The following PCGF5 variants were observed in gnomAD, a reference collection of about 807,000 sequenced individuals.
The protein encoded by PCGF5 is polycomb group RING finger protein 5.
PCGF5 carries 9 observed loss-of-function variants against 44.3 expected under a neutral mutation model. That is an observed-to-expected ratio of 0.20 (90% confidence interval 0.12 to 0.35). The LOEUF (loss-of-function observed/expected upper bound fraction) is 0.35, where lower values mean the gene tolerates loss of function less well. PCGF5 is among the 10% of genes least tolerant of loss of function. The pLI, the probability that PCGF5 is intolerant of heterozygous loss-of-function variation, is 1.00. For missense variants in PCGF5, 146 were observed against 305.3 expected (o/e 0.48, Z 3.89); for synonymous variants, 95 against 102.5 (o/e 0.93, Z 0.44).
chr10:91,236,808 G>T (rs1049180365), intron 2 of PCGF5, among the ~76,000 whole-genome samples: 1 of 152,096 alleles, frequency 6.6e-6, no homozygotes, highest in African/African-American at 2.4e-5. Context: ...TTTATGTAAG[G>T]TTGTGCTTTA....
chr10:91,277,389 C>T (rs1846343570), intron 9 of PCGF5, among the ~76,000 whole-genome samples: 2 of 152,228 alleles, frequency 1.3e-5, no homozygotes. Flanking sequence ...ATAAAAGTAG[C>T]TCCTCAAATT....
At chr10:91,262,742 A>G (rs763079785) in intron 7 of PCGF5, among the ~76,000 whole-genome samples, 1 of 152,230 alleles carries the variant, frequency 6.6e-6, no homozygotes. Flanking sequence ...TTAGGAAAAA[A>G]TTATGGAAGT....
At chr10:91,251,550 T>A in intron 6 of PCGF5, 110 bp downstream of exon 6, 2 of 1,031,814 alleles carry the variant, frequency 1.9e-6, no homozygotes, top group Non-Finnish European at 2.9e-6. Context: ...AAGTTTTAAT[T>A]AACATAATTA....
intron 1 of PCGF5, among the ~76,000 whole-genome samples, chr10:91,221,149 G>A (rs1044630639): frequency 2.6e-5 from 4 of 152,238 alleles, no homozygotes; most frequent in African/African-American, 9.6e-5. Context: ...GGACCCCACA[G>A]GGCTGTACCG....
intron 6 of PCGF5, 48 bp from the exon 7 acceptor site, chr10:91,261,273 TAGAAC>T (rs1433148741): frequency 9.6e-5 from 135 of 1,407,810 alleles, no homozygotes; most frequent in Non-Finnish European, 4.6e-5. Flanking sequence ...AGAAGCAAGA[TAGAAC>T]ATTTTAACTG....
intron 1 of PCGF5, 63 bp from the exon 2 acceptor site, chr10:91,222,626 T>G (rs1334466352): frequency 9.7e-6 from 5 of 513,434 alleles, no homozygotes; most frequent in Non-Finnish European, 1.7e-5. Context: ...AGAATGACAT[T>G]AATACATTAT....
chr10:91,227,248 TC>T, intron 2 of PCGF5: 2 of 436,378 alleles, frequency 4.6e-6, no homozygotes, highest in Admixed American at 6.0e-5. Context: ...CTTTTTTTTT[TC>T]CTGTGTGAAC....
chr10:91,160,001 G>A (rs535706916), upstream of PCGF5, among the ~76,000 whole-genome samples: 23 of 152,048 alleles, frequency 1.5e-4, no homozygotes, highest in South Asian at 8.3e-4. Context: ...TATTTAATAC[G>A]CTCATGGTTA....
chr10:91,236,260 G>C (rs7099079), intron 2 of PCGF5, among the ~76,000 whole-genome samples: 19,726 of 152,136 alleles, frequency 0.13, 2,394 homozygotes, highest in African/African-American at 0.32. Context: ...GAGCAGCCTA[G>C]TCAGGCTCTC....
At chr10:91,219,398 A>G (rs548339641), upstream of PCGF5, among the ~76,000 whole-genome samples, 202 of 152,356 alleles carry the variant, frequency 1.3e-3, no homozygotes, top group African/African-American at 4.6e-3. Flanking sequence ...AGTCTTTTTT[A>G]TATATTGTGG....
intron 1 of PCGF5, among the ~76,000 whole-genome samples, chr10:91,182,653 C>G (rs1011638163): frequency 6.6e-6 from 1 of 152,128 alleles, no homozygotes; most frequent in African/African-American, 2.4e-5. Flanking sequence ...AACCTGAGAT[C>G]TTTCTAACTT....
intron 2 of PCGF5, chr10:91,227,893 C>T (rs1844891935): frequency 5.1e-6 from 5 of 983,314 alleles, no homozygotes; most frequent in African/African-American, 3.5e-5. Context: ...ATGTGCCCTA[C>T]CACCTGCAGA....
Position 91,222,667 on chromosome 10 carries a change from TTTGAAATG to T in PCGF5, c.-183-21_-183-14del. On this transcript the variant is annotated splice_polypyrimidine_tract_variant and intron_variant, in intron 1 of 9. Coordinates refer to ENST00000336126, the MANE Select transcript of PCGF5 (RefSeq NM_032373.5). ...ATTTGACGCTTTTTTCTCTCATCTT[TTTGAAATG>T]ATTTTGGAAACAGACATGGGAAAGC... 1.9e-6 allele frequency: 1 copy of T among 515,708 alleles called. No homozygotes were observed. Among genetic ancestry groups the T allele is most frequent in the Non-Finnish European group, 3.4e-6 (1 of 292,418 alleles). The allele number at this position is 515,708 out of a possible 1,614,324, so 31.9% of individuals were successfully genotyped here.
chr10:91,252,559 G>T (rs771123715), intron 6 of PCGF5, among the ~76,000 whole-genome samples: 4 of 151,952 alleles, frequency 2.6e-5, no homozygotes, highest in Admixed American at 6.6e-5. Flanking sequence ...TTTGTTAAGG[G>T]GAATTTATTG....
chr10:91,234,632 T>G (rs915728305), intron 2 of PCGF5, among the ~76,000 whole-genome samples: 1 of 152,248 alleles, frequency 6.6e-6, no homozygotes, highest in Non-Finnish European at 1.5e-5. Flanking sequence ...TTCAGTATTG[T>G]GATGCTGATT....
intron 1 of PCGF5, among the ~76,000 whole-genome samples, chr10:91,205,383 G>T (rs1244796808): frequency 1.3e-5 from 2 of 152,052 alleles, no homozygotes; most frequent in Non-Finnish European, 2.9e-5. Flanking sequence ...ATCCTTCACA[G>T]ATAATCTGTG....
chr10:91,250,176 T>C (rs192574621), intron 5 of PCGF5, among the ~76,000 whole-genome samples: 1 of 152,102 alleles, frequency 6.6e-6, no homozygotes, highest in East Asian at 1.9e-4. Flanking sequence ...GTTTGGTTCA[T>C]AGAAGGCAAC....
At chr10:91,225,867 A>C (rs1844818795) in intron 2 of PCGF5, among the ~76,000 whole-genome samples, 1 of 152,082 alleles carries the variant, frequency 6.6e-6, no homozygotes, top group Admixed American at 6.6e-5. Flanking sequence ...ATATGTGGTG[A>C]TATCCTGGGT....
the PCGF5 span, among the ~76,000 whole-genome samples, chr10:91,157,037 T>C: frequency 1.3e-5 from 2 of 152,210 alleles, no homozygotes; most frequent in Non-Finnish European, 2.9e-5. Flanking sequence ...TTTTTAAACT[T>C]CTCTGGGCCT....
Sources: allele counts gnomAD v4.1 joint callset (sites outside exome capture counted in the v4.1 genomes callset), GRCh38; gene constraint gnomAD v4.1.1; transcripts MANE v1.5; gene names NCBI Gene and HGNC (gene_info 2026-07-23, HGNC 2026-07-21).